ZSCAN16: variants seen among roughly 807,000 people sequenced by gnomAD.
ZSCAN16 encodes zinc finger and SCAN domain containing 16, also known as zinc finger and SCAN domain-containing protein 16.
ZSCAN16 carries 15 observed loss-of-function variants against 19.4 expected under a neutral mutation model. That is an observed-to-expected ratio of 0.77 (90% CI 0.52 to 1.19). The LOEUF (loss-of-function observed/expected upper bound fraction) is 1.19. ZSCAN16 is among the 50% of genes most tolerant of loss of function. The pLI is 0.00. For synonymous variants in ZSCAN16, 138 were observed against 146.5 expected, an observed-to-expected ratio of 0.94 and a Z score of 0.42; for missense variants, 327 against 415.7, an observed-to-expected ratio of 0.79 and a Z score of 1.86.
chr6:28,124,715 C>G (rs952205622), intron 1 of ZSCAN16, 38 bp downstream of exon 1: 1 of 152,400 alleles, frequency 6.6e-6, no homozygotes, highest in African/African-American at 2.4e-5. Context: ...GAAAAGGGGA[C>G]AAGACGCAGC....
chr6:28,126,860 T>A lies in ZSCAN16; in HGVS notation c.465T>A (p.Thr155=), dbSNP rs1196669566. The A allele has an allele frequency of 6.3e-7, 1 of 1,588,898 alleles. No homozygotes were observed. Among genetic ancestry groups the A allele is most frequent in the African/African-American group, 1.3e-5 (1 of 74,492 alleles). The change falls in exon 3 of 4, where the codon ACT becomes ACA. Residue 155 remains threonine, a synonymous_variant. Transcript: ENST00000340487. ...APLGRPYESL[T]VQLHPKKTQL... is the part of the protein sequence containing the mutation. ...TGGGAAGGCCATATGAATCACTGAC[T>A]GTCCAGCTCCATCCCAAAAAGACCC...
intron 3 of ZSCAN16, among the ~76,000 whole-genome samples, chr6:28,128,376 G>A (rs904515493): frequency 1.3e-5 from 2 of 152,152 alleles, no homozygotes; most frequent in Non-Finnish European, 2.9e-5. Flanking sequence ...CCAAAGGTTA[G>A]ACACTTACAT....
chr6:28,127,428 C>A (rs1581504876), intron 3 of ZSCAN16, among the ~76,000 whole-genome samples: 1 of 152,170 alleles, frequency 6.6e-6, no homozygotes, highest in African/African-American at 2.4e-5. Context: ...TTTCTCTGTA[C>A]ACACACACTC....
intron 3 of ZSCAN16, among the ~76,000 whole-genome samples, chr6:28,127,515 ATTAC>A (rs1764940938): frequency 6.6e-6 from 1 of 152,138 alleles, no homozygotes; most frequent in African/African-American, 2.4e-5. Flanking sequence ...TTCAACCTTA[ATTAC>A]TTCATTAAAG....
rs1302010170 is a variant in ZSCAN16, at chr6:28,125,574, T to C, written c.131T>C (p.Phe44Ser). 6.2e-7 allele frequency: 1 copy of C among 1,614,050 alleles called. No homozygotes were observed. The highest frequency in any genetic ancestry group is 8.5e-7 in the Non-Finnish European group (1 of 1,180,050). Reference protein sequence around the residue: ...PHRRELYRQHFRKLCYQDAPG... With the variant: ...PHRRELYRQHSRKLCYQDAPG... ...AGGAGGGAACTCTATAGACAACACT[T>C]CAGGAAGCTCTGCTATCAGGATGCA... Residue 44 changes from phenylalanine to serine, a missense_variant, in exon 2 of 4, where the codon TTC (phenylalanine) becomes TCC (serine). Coordinates refer to ENST00000340487, the MANE Select transcript of ZSCAN16 (RefSeq NM_025231.3). The surrounding 1 kb of genome is among the most constrained non-coding windows in gnomAD (Gnocchi z 6.2).
At position 28,130,033 on chromosome 6, in the gene ZSCAN16, TCA is replaced by T; in HGVS notation, c.*84_*85del. 8.9e-7 allele frequency: 1 copy of T among 1,122,172 alleles called. No homozygotes were observed. Among genetic ancestry groups the T allele is most frequent in the South Asian group, 1.7e-5 (1 of 59,662 alleles). 69.5% of individuals were successfully genotyped at this position (1,122,172 alleles called of 1,614,324 possible). A position where few individuals can be genotyped will look rare whatever the true frequency, so the allele number is the denominator to read the frequency against. On this transcript the variant is annotated 3_prime_UTR_variant, in exon 4 of 4. Coordinates refer to ENST00000340487, the MANE Select transcript of ZSCAN16 (RefSeq NM_025231.3). ...TCTATTTTAGAAACCTTGAGTTTCC[TCA>T]ATGTGGTCAAAGCTTCAGTCATCAT...
rs1217771688 is a variant in ZSCAN16, at chr6:28,129,504, G to A, written c.601G>A (p.Glu201Lys). 1.9e-6 allele frequency: 3 copies of A among 1,614,094 alleles called. No homozygotes were observed. Among genetic ancestry groups the A allele is most frequent in the South Asian group, 2.2e-5 (2 of 91,072 alleles). Residue 201 changes from glutamate (E) to lysine (K), a missense_variant, in exon 4 of 4, where the codon GAG becomes AAG. Coordinates refer to ENST00000340487, the MANE Select transcript of ZSCAN16 (RefSeq NM_025231.3). ...DMPKDKEFLG[E>K]INDRLNKDTP... is the part of the protein sequence containing the mutation. Reference sequence around the variant, plus strand: ...GCCCAAAGACAAGGAATTCCTTGGGGAGATAAATGACAGACTGAACAAAGA... The same window carrying A: ...GCCCAAAGACAAGGAATTCCTTGGGAAGATAAATGACAGACTGAACAAAGA...
In ZSCAN16 at chr6:28,125,643, G is replaced by A. The variant is rs143119447; in HGVS notation, c.200G>A (p.Arg67His). ...EALTQLWELC[R>H]QWLRPECHTK... ...CTTACCCAGCTGTGGGAGCTCTGCC[G>A]TCAGTGGCTGAGGCCAGAATGCCAC... The change falls in exon 2 of 4, where the codon CGT becomes CAT. Residue 67 changes from arginine (R) to histidine (H), a missense_variant. Physicochemically the swap from Arg to His is conservative, Grantham distance 29. Transcript: ENST00000340487. The surrounding 1 kb of genome is among the most constrained non-coding windows in gnomAD (Gnocchi z 6.2). 2.5e-5 allele frequency: 41 copies of A among 1,614,124 alleles called. No individual in the cohort carries two copies. Among genetic ancestry groups the A allele is most frequent in the Middle Eastern group, 1.6e-4 (1 of 6,084 alleles).
In ZSCAN16 at chr6:28,124,623, T is replaced by C. The variant is rs889096457; in HGVS notation, c.-86T>C. 9 of 152,234 alleles carry C rather than the reference T, an allele frequency of 5.9e-5. No individual in the cohort carries two copies. The highest frequency in any genetic ancestry group is 2.2e-4 in the African/African-American group (9 of 41,462). 9.4% of individuals were successfully genotyped at this position (152,234 alleles called of 1,614,324 possible). On this transcript the variant is annotated 5_prime_UTR_variant, in exon 1 of 4. Coordinates refer to ENST00000340487, the MANE Select transcript of ZSCAN16 (RefSeq NM_025231.3). ...TTGGTGTCTTTGAGTCTAGTCTTTG[T>C]TCGGGGCTGTCCAAAGGACGCTAGC... is the stretch of plus-strand genomic sequence containing the variant.
intron 3 of ZSCAN16, among the ~76,000 whole-genome samples, chr6:28,128,348 A>G (rs1229431426): frequency 3.3e-5 from 5 of 152,192 alleles, no homozygotes; most frequent in Admixed American, 6.5e-5. Flanking sequence ...GCCAGACACT[A>G]TACTAAATGT....
chr6:28,126,721 T>G (rs1764914659), intron 2 of ZSCAN16, 62 bp from the exon 3 acceptor site: 1 of 1,310,146 alleles, frequency 7.6e-7, no homozygotes, highest in Non-Finnish European at 1.0e-6. Flanking sequence ...TTCATTTGAT[T>G]GTTTTATCTG....
intron 3 of ZSCAN16, among the ~76,000 whole-genome samples, chr6:28,128,181 T>C (rs2113712670): frequency 6.6e-6 from 1 of 152,248 alleles, no homozygotes; most frequent in South Asian, 2.1e-4. Context: ...GGTCTCACTA[T>C]GTTTCCCAGG....
At chr6:28,127,952 C>G (rs941895969) in intron 3 of ZSCAN16, among the ~76,000 whole-genome samples, 3 of 152,102 alleles carry the variant, frequency 2.0e-5, no homozygotes, top group African/African-American at 7.2e-5. Flanking sequence ...AGGATCCCTA[C>G]CAGATGATTT....
At position 28,125,618 on chromosome 6, in the gene ZSCAN16, C is replaced by A. The variant is rs1764877459; in HGVS notation, c.175C>A (p.Leu59Ile). The A allele has an allele frequency of 3.1e-6, 5 of 1,614,260 alleles. No individual in the cohort carries two copies. Among genetic ancestry groups the A allele is most frequent in the African/African-American group, 1.3e-5 (1 of 75,062 alleles). The change falls in exon 2 of 4, where the codon CTT becomes ATT. Residue 59 changes from leucine to isoleucine, a missense_variant. Coordinates refer to ENST00000340487, the MANE Select transcript of ZSCAN16 (RefSeq NM_025231.3). The surrounding 1 kb of genome is among the most constrained non-coding windows in gnomAD (Gnocchi z 6.2). ...YQDAPGPREA[L>I]TQLWELCRQW... is the part of the protein sequence containing the mutation. ...GGATGCACCTGGACCCCGTGAAGCT[C>A]TTACCCAGCTGTGGGAGCTCTGCCG...
chr6:28,130,071 T>G lies in ZSCAN16; in HGVS notation c.*121T>G. The G allele has an allele frequency of 1.4e-6, 1 of 717,898 alleles. No homozygotes were observed. The highest frequency in any genetic ancestry group is 2.2e-6 in the Non-Finnish European group (1 of 453,968). The allele number at this position is 717,898 out of a possible 1,614,324, so 44.5% of individuals were successfully genotyped here. A position where few individuals can be genotyped will look rare whatever the true frequency, so the allele number is the denominator to read the frequency against. Reference sequence around the variant, plus strand: ...AGCTTCAGTCATCATTAAACTTCTCTGGACCAAAGAATCTACCTGAGTAAA... The same window carrying G: ...AGCTTCAGTCATCATTAAACTTCTCGGGACCAAAGAATCTACCTGAGTAAA... On this transcript the variant is annotated 3_prime_UTR_variant, in exon 4 of 4. Coordinates refer to ENST00000340487, the MANE Select transcript of ZSCAN16 (RefSeq NM_025231.3).
chr6:28,126,827 G>A lies in ZSCAN16; in HGVS notation c.432G>A (p.Leu144=). ...SERRDILMDK[L]APLGRPYESL... ...GACGGGACATACTCATGGACAAGTTGGCCCCCTTGGGAAGGCCATATGAAT... is the reference window on the plus strand; with the variant it reads ...GACGGGACATACTCATGGACAAGTTAGCCCCCTTGGGAAGGCCATATGAAT... The change falls in exon 3 of 4, where the codon TTG becomes TTA. Residue 144 remains leucine (L), a synonymous_variant. Transcript: ENST00000340487. 6.3e-7 allele frequency: 1 copy of A among 1,585,500 alleles called. No individual in the cohort carries two copies. Among genetic ancestry groups the A allele is most frequent in the Non-Finnish European group, 8.6e-7 (1 of 1,161,226 alleles).
intron 2 of ZSCAN16, 102 bp from the exon 3 acceptor site, chr6:28,126,681 G>T (rs1764912286): frequency 1.1e-6 from 1 of 905,156 alleles, no homozygotes. Context: ...ATGAGAATTT[G>T]TCCCCCCTTT....
Position 28,125,294 on chromosome 6 carries a change from C to A in ZSCAN16, c.-31-119C>A. ...TGATTGACTTCTGGTGGCTTGGCTTCATTATGATGTGTTTATGTTCACAGA... is the reference window on the plus strand; with the variant it reads ...TGATTGACTTCTGGTGGCTTGGCTTAATTATGATGTGTTTATGTTCACAGA... On this transcript the variant is annotated intron_variant, in intron 1 of 3. Transcript: ENST00000340487. This position sits in a 1 kb window ranked among gnomAD's most constrained non-coding sequence, Gnocchi z 6.2. The A allele has an allele frequency of 8.3e-7, 1 of 1,200,002 alleles. No homozygotes were observed. Among genetic ancestry groups the A allele is most frequent in the Non-Finnish European group, 1.1e-6 (1 of 889,882 alleles). 74.3% of individuals were successfully genotyped at this position (1,200,002 alleles called of 1,614,324 possible).
intron 1 of ZSCAN16, among the ~76,000 whole-genome samples, chr6:28,124,907 C>T (rs4713139): frequency 0.11 from 16,744 of 152,254 alleles, 1,044 homozygotes; most frequent in Admixed American, 0.15. Flanking sequence ...GTCTGATCCC[C>T]TTCCAGGGTT....
Sources: allele counts gnomAD v4.1 joint callset (sites outside exome capture counted in the v4.1 genomes callset), GRCh38; gene constraint gnomAD v4.1.1; non-coding constraint Gnocchi (gnomAD v3.1); transcripts MANE v1.5; gene names NCBI Gene and HGNC (gene_info 2026-07-23, HGNC 2026-07-21).